MYRIP: variants seen among roughly 807,000 people sequenced by gnomAD.
MYRIP encodes the protein myosin VIIA and Rab interacting protein, also known as rab effector MyRIP.
MYRIP carries 49 observed loss-of-function variants against 98.0 expected under a neutral mutation model. The ratio of observed to expected loss-of-function variants is 0.50; its 90% CI spans 0.40 to 0.63. MYRIP has a LOEUF of 0.63. Among genes scored for constraint, MYRIP ranks in the 30% least tolerant of loss-of-function variants. The pLI is 0.00. For synonymous variants in MYRIP, 404 were observed against 409.5 expected, an observed-to-expected ratio of 0.99 and a Z score of 0.16; for missense variants, 1,004 against 1,058.2, an observed-to-expected ratio of 0.95 and a Z score of 0.71.
At chr3:40,121,896 C>T (rs892405218) in intron 3 of MYRIP, among the ~76,000 whole-genome samples, 7 of 151,916 alleles carry the variant, frequency 4.6e-5, no homozygotes, top group African/African-American at 1.2e-4. Context: ...ATACATGTCC[C>T]CAATAGTATA....
At position 39,825,938 on chromosome 3, in the gene MYRIP, A is replaced by C. The variant is rs566117473; in HGVS notation, c.-31+16022A>C. ...GTTATATGTGTTTAGGAATTTGTCC[A>C]TCTCTTCTAAGGTTTTAAATTTATG... On this transcript the variant is annotated intron_variant, in intron 1 of 16. Coordinates refer to ENST00000302541, the MANE Select transcript of MYRIP (RefSeq NM_015460.4). 3.9e-5 allele frequency among the ~76,000 whole-genome samples: 6 copies of C among 152,130 alleles called. No individual in the cohort carries two copies. In the East Asian group the frequency reaches 1.2e-3, roughly 29 times the overall value.
At chr3:39,979,728 G>T (rs1376762240) in intron 2 of MYRIP, among the ~76,000 whole-genome samples, 21 of 151,476 alleles carry the variant, frequency 1.4e-4, no homozygotes, top group Admixed American at 1.4e-3. Context: ...CTTTTGTCAT[G>T]CATTCACTGG....
At chr3:39,973,970 C>G (rs566309066) in intron 2 of MYRIP, among the ~76,000 whole-genome samples, 2 of 152,062 alleles carry the variant, frequency 1.3e-5, no homozygotes, top group African/African-American at 4.8e-5. Context: ...AATGGACACC[C>G]TAACATCACA....
chr3:40,203,174 C>T (rs1172079371), intron 10 of MYRIP, among the ~76,000 whole-genome samples: 1 of 152,004 alleles, frequency 6.6e-6, no homozygotes, highest in African/African-American at 2.4e-5. Context: ...TCATAATCTG[C>T]CCACCTCAGC....
chr3:39,819,317 C>T (rs569490967), intron 1 of MYRIP, among the ~76,000 whole-genome samples: 1 of 152,000 alleles, frequency 6.6e-6, no homozygotes, highest in Non-Finnish European at 1.5e-5. Context: ...CATTGCACTC[C>T]AGCCTGGGCA....
intron 1 of MYRIP, among the ~76,000 whole-genome samples, chr3:39,896,761 C>T (rs1430453168): frequency 6.6e-6 from 1 of 152,146 alleles, no homozygotes; most frequent in Non-Finnish European, 1.5e-5. Flanking sequence ...GTCCTTGACC[C>T]TTCTAGGTAC....
At chr3:39,997,701 T>C (rs1428905409) in intron 2 of MYRIP, among the ~76,000 whole-genome samples, 2 of 152,170 alleles carry the variant, frequency 1.3e-5, no homozygotes, top group African/African-American at 4.8e-5. Context: ...AGCATCATCC[T>C]GATACCAAAG....
At chr3:40,206,634 T>TC (rs557275111) in intron 10 of MYRIP, among the ~76,000 whole-genome samples, 1 of 152,162 alleles carries the variant, frequency 6.6e-6, no homozygotes, top group South Asian at 2.1e-4. Context: ...GTTATTCTGT[T>TC]CCCCAGTGTG....
chr3:39,841,565 G>A (rs192136413), intron 1 of MYRIP, among the ~76,000 whole-genome samples: 5 of 152,152 alleles, frequency 3.3e-5, no homozygotes, highest in South Asian at 2.1e-4. Flanking sequence ...GTCTTTTTGC[G>A]CTGGTTTTCC....
chr3:40,003,105 GTATT>G (rs1011673482), intron 2 of MYRIP, among the ~76,000 whole-genome samples: 10 of 151,312 alleles, frequency 6.6e-5, no homozygotes, highest in African/African-American at 2.2e-4. Context: ...ATCTATATAT[GTATT>G]TATGTCTATT....
chr3:39,815,812 T>C (rs1159067928), intron 1 of MYRIP, among the ~76,000 whole-genome samples: 2 of 152,038 alleles, frequency 1.3e-5, no homozygotes, highest in Admixed American at 1.3e-4. Context: ...ACCAAGAGTA[T>C]GGTGGTTACT....
At chr3:39,985,732 T>C (rs1227563817) in intron 2 of MYRIP, among the ~76,000 whole-genome samples, 1 of 151,426 alleles carries the variant, frequency 6.6e-6, no homozygotes, top group African/African-American at 2.5e-5. Flanking sequence ...TAATAAATGG[T>C]GCTGGAAAAA....
intron 3 of MYRIP, among the ~76,000 whole-genome samples, chr3:40,046,195 G>A (rs1272784145): frequency 6.6e-6 from 1 of 152,094 alleles, no homozygotes; most frequent in Non-Finnish European, 1.5e-5. Flanking sequence ...GAAGGAACTA[G>A]AAGGTCAGGA....
At chr3:40,135,768 A>C (rs1034580700) in intron 3 of MYRIP, among the ~76,000 whole-genome samples, 9 of 152,232 alleles carry the variant, frequency 5.9e-5, no homozygotes, top group South Asian at 2.1e-4. Flanking sequence ...CCAGAATTTC[A>C]TATCCAGCCA....
chr3:40,169,324 G>A (rs930753632), intron 7 of MYRIP, among the ~76,000 whole-genome samples: 1 of 152,160 alleles, frequency 6.6e-6, no homozygotes, highest in African/African-American at 2.4e-5. Flanking sequence ...TGGAGAATAT[G>A]CCCATCTTGG....
chr3:39,866,867 C>A (rs1942643853), intron 1 of MYRIP, among the ~76,000 whole-genome samples: 2 of 152,152 alleles, frequency 1.3e-5, no homozygotes, highest in South Asian at 4.2e-4. Context: ...CTCCAAGTAG[C>A]CAAGGCAATT....
intron 3 of MYRIP, among the ~76,000 whole-genome samples, chr3:40,065,343 C>A (rs575794953): frequency 6.6e-6 from 1 of 152,236 alleles, no homozygotes; most frequent in East Asian, 1.9e-4. Flanking sequence ...CTTCAATGAC[C>A]CTATTTCCAA....
intron 2 of MYRIP, among the ~76,000 whole-genome samples, chr3:40,039,719 GT>G (rs1289825207): frequency 4.5e-5 from 2 of 44,250 alleles, no homozygotes; most frequent in Non-Finnish European, 1.3e-4. Flanking sequence ...TGTACTTACT[GT>G]TTTCCCTTTT....
intron 1 of MYRIP, among the ~76,000 whole-genome samples, chr3:39,856,215 A>G (rs1942289605): frequency 1.3e-5 from 2 of 152,192 alleles, no homozygotes; most frequent in Admixed American, 1.3e-4. Flanking sequence ...CACTTCTTTC[A>G]AATGATTTGT....
Sources: allele counts gnomAD v4.1 joint callset (sites outside exome capture counted in the v4.1 genomes callset), GRCh38; gene constraint gnomAD v4.1.1; transcripts MANE v1.5; gene names NCBI Gene and HGNC (gene_info 2026-07-23, HGNC 2026-07-21).